The following PRH1 variants were observed in gnomAD, a reference collection of about 807,000 sequenced individuals.
The protein encoded by PRH1 is proline rich protein HaeIII subfamily 1, also known as salivary acidic proline-rich phosphoprotein 1/2.
Under a neutral mutation model 7.9 loss-of-function variants are expected in PRH1, and 7 were observed. The observed-to-expected ratio is 0.89, with a 90% CI of 0.50 to 1.67. The LOEUF is 1.67. PRH1 is among the 40% of genes most tolerant of loss of function. The pLI is 0.00. For synonymous variants in PRH1, 45 were observed against 80.8 expected, an observed-to-expected ratio of 0.56 and a Z score of 2.38; for missense variants, 109 against 223.6, an observed-to-expected ratio of 0.49 and a Z score of 3.27.
intron 2 of PRH1, chr12:10,891,464 TAGA>T (rs1204362206): frequency 6.6e-6 from 1 of 152,206 alleles, no homozygotes; most frequent in African/African-American, 2.4e-5. Context: ...AGCAACATAA[TAGA>T]AGAATATTTA....
At chr12:10,912,637 A>G (rs1949916883) in intron 2 of PRH1, among the ~76,000 whole-genome samples, 1 of 151,954 alleles carries the variant, frequency 6.6e-6, no homozygotes, top group Non-Finnish European at 1.5e-5. Flanking sequence ...TTCCTGGCAT[A>G]CGTTTTCCTC....
chr12:11,068,520 T>C (rs1426000388), intron 1 of PRH1, among the ~76,000 whole-genome samples: 1 of 152,194 alleles, frequency 6.6e-6, no homozygotes, highest in African/African-American at 2.4e-5. Flanking sequence ...TTTATCCATT[T>C]GGAGGTCTGA....
At chr12:11,141,628 A>C (rs1342439088) in intron 1 of PRH1, among the ~76,000 whole-genome samples, 1 of 152,232 alleles carries the variant, frequency 6.6e-6, no homozygotes, top group Non-Finnish European at 1.5e-5. Flanking sequence ...TACAGATGAT[A>C]ATAATATTCT....
intron 2 of PRH1, chr12:10,938,402 C>T (rs1299968288): frequency 6.2e-7 from 1 of 1,614,050 alleles, no homozygotes; most frequent in Admixed American, 1.7e-5. Flanking sequence ...ATAAGCCATT[C>T]CCATCACCTG....
At chr12:11,033,913 C>T (rs1942331610) in intron 1 of PRH1, among the ~76,000 whole-genome samples, 1 of 152,102 alleles carries the variant, frequency 6.6e-6, no homozygotes, top group South Asian at 2.1e-4. Context: ...TGATGCAGGG[C>T]AAGACAAGGA....
chr12:10,954,030 A>G (rs1476791067), intron 2 of PRH1, among the ~76,000 whole-genome samples: 1 of 152,340 alleles, frequency 6.6e-6, no homozygotes, highest in Non-Finnish European at 1.5e-5. Context: ...TAAGTGAAGG[A>G]GAAATAGGAT....
intron 2 of PRH1, among the ~76,000 whole-genome samples, chr12:10,909,954 C>T (rs1473914691): frequency 6.6e-6 from 1 of 152,224 alleles, no homozygotes; most frequent in African/African-American, 2.4e-5. Flanking sequence ...ACCACCATCC[C>T]TCCATAGGCA....
intron 1 of PRH1, among the ~76,000 whole-genome samples, chr12:11,152,542 T>A (rs1308014706): frequency 6.6e-6 from 1 of 152,152 alleles, no homozygotes; most frequent in Admixed American, 6.6e-5. Flanking sequence ...CTGTACTATA[T>A]TTTAGTTTTA....
At chr12:11,024,667 GTAAT>G (rs1421736833) in intron 1 of PRH1, among the ~76,000 whole-genome samples, 2 of 150,890 alleles carry the variant, frequency 1.3e-5, no homozygotes, top group African/African-American at 2.4e-5. Context: ...TGATTTTACT[GTAAT>G]TATTTATCCA....
At chr12:11,003,163 A>G (rs1418333221) in intron 1 of PRH1, among the ~76,000 whole-genome samples, 3 of 152,006 alleles carry the variant, frequency 2.0e-5, no homozygotes, top group African/African-American at 7.2e-5. Context: ...ATAAAATTTT[A>G]TCCCTATTTC....
Position 10,920,577 on chromosome 12 carries a change from G to GGTGTAAT in PRH1, c.-58-36309_-58-36303dup, listed in dbSNP as rs573983493. ...TTTAATGGACCAGTGCTGGTGAATA[G>GGTGTAAT]GTGTAATTTTAGCCCATATATATTG... On this transcript the variant is annotated intron_variant, in intron 2 of 3. Transcript: ENST00000539853. Among the ~76,000 whole-genome samples, 565 of 152,106 alleles carry GGTGTAAT rather than the reference G, an allele frequency of 3.7e-3. 2 individuals are homozygous for GGTGTAAT. The highest frequency in any genetic ancestry group is 0.014 in the Middle Eastern group (4 of 294).
intron 2 of PRH1, among the ~76,000 whole-genome samples, chr12:10,955,343 T>C (rs1197585259): frequency 2.6e-5 from 4 of 152,144 alleles, no homozygotes; most frequent in Non-Finnish European, 5.9e-5. Flanking sequence ...TTTGGGTACA[T>C]ATTGAAATTA....
intron 1 of PRH1, among the ~76,000 whole-genome samples, chr12:11,125,266 T>A (rs1422632635): frequency 6.6e-6 from 1 of 152,304 alleles, no homozygotes; most frequent in Non-Finnish European, 1.5e-5. Flanking sequence ...TTTTACCACA[T>A]TCTAAAAATT....
chr12:10,974,243 T>G (rs1435510039), intron 1 of PRH1, among the ~76,000 whole-genome samples: 1 of 152,220 alleles, frequency 6.6e-6, no homozygotes, highest in Non-Finnish European at 1.5e-5. Context: ...ATATAGAGGC[T>G]AGCAGCCTTG....
chr12:10,895,914 A>C (rs1165232751), intron 2 of PRH1: 2 of 152,184 alleles, frequency 1.3e-5, no homozygotes, highest in Non-Finnish European at 2.9e-5. Context: ...CCTTCAATAC[A>C]CCATTGGCTG....
At chr12:10,927,210 G>A (rs1247449215) in intron 2 of PRH1, among the ~76,000 whole-genome samples, 2 of 152,142 alleles carry the variant, frequency 1.3e-5, no homozygotes, top group Non-Finnish European at 1.5e-5. Flanking sequence ...TCTTTCACCA[G>A]GCTTGCAGCT....
intron 1 of PRH1, among the ~76,000 whole-genome samples, chr12:11,132,115 T>A (rs1362199702): frequency 6.6e-6 from 1 of 152,216 alleles, no homozygotes; most frequent in East Asian, 1.9e-4. Context: ...ATTAATACAG[T>A]CATGTAGAAT....
At chr12:11,047,093 G>A (rs1315050572) in exon 1 of PRH1, 1 of 481,782 alleles carries the variant, frequency 2.1e-6, no homozygotes, top group East Asian at 6.0e-5. Context: ...TAAATGTTCT[G>A]TCACAGAACT....
intron 1 of PRH1, among the ~76,000 whole-genome samples, chr12:11,106,997 G>C (rs1023732668): frequency 3.3e-5 from 5 of 152,086 alleles, no homozygotes; most frequent in Admixed American, 2.6e-4. Flanking sequence ...GATAACCAGT[G>C]AGACCTTCTT....
Sources: gnomAD v4.1 joint callset for allele counts (sites outside exome capture counted in the v4.1 genomes callset) on GRCh38, gnomAD v4.1.1 for gene constraint, MANE v1.5 for transcripts, NCBI Gene and HGNC (gene_info 2026-07-23, HGNC 2026-07-21) for gene names.